Variants in LRCH1 observed in about 807,000 individuals in gnomAD.
LRCH1 encodes leucine rich repeats and calponin homology domain containing 1.
LRCH1 carries 23 observed loss-of-function variants against 94.9 expected under a neutral mutation model. The observed-to-expected ratio is 0.24, with a 90% CI of 0.17 to 0.34. The LOEUF is 0.34. Ranked by LOEUF, LRCH1 falls within the 10% of genes least tolerant of loss-of-function variation. The pLI is 1.00. For missense variants in LRCH1, 790 were observed against 945.9 expected, an observed-to-expected ratio of 0.84 and a Z score of 2.16; for synonymous variants, 364 against 354.9, an observed-to-expected ratio of 1.03 and a Z score of -0.29.
intron 5 of LRCH1, among the ~76,000 whole-genome samples, chr13:46,686,571 A>AAGGG (rs1870626453): frequency 6.6e-6 from 1 of 151,656 alleles, no homozygotes; most frequent in Non-Finnish European, 1.5e-5. Flanking sequence ...AGCTTTGGGG[A>AAGGG]AGATTCAAAT....
intron 18 of LRCH1, among the ~76,000 whole-genome samples, chr13:46,730,344 T>C (rs1473613572): frequency 6.6e-6 from 1 of 152,164 alleles, no homozygotes; most frequent in Non-Finnish European, 1.5e-5. Context: ...CATTAGTGTT[T>C]ATATGGCAAG....
chr13:46,713,099 G>T (rs774987853), intron 15 of LRCH1, among the ~76,000 whole-genome samples: 26 of 152,174 alleles, frequency 1.7e-4, no homozygotes, highest in African/African-American at 5.3e-4. Context: ...TTTTGAGAAA[G>T]CATTCTGCTT....
chr13:46,686,026 G>A lies in LRCH1; in HGVS notation c.807G>A (p.Gln269=). Residue 269 remains glutamine (Q), a synonymous_variant, in exon 5 of 20, where the codon CAG becomes CAA. Transcript: ENST00000389797. ...TACTACTTGAGAATAACCCTCTGCA[G>A]TCTCCTCCAGCACAGGTGAGGGGTC... is the stretch of plus-strand genomic sequence containing the variant. The part of the protein sequence containing the change: ...QVLLLENNPL[Q]SPPAQICTKG... 1 of 1,601,890 alleles carries A rather than the reference G, an allele frequency of 6.2e-7. No homozygotes were observed. Among genetic ancestry groups the A allele is most frequent in the Non-Finnish European group, 8.5e-7 (1 of 1,175,528 alleles).
intron 9 of LRCH1, among the ~76,000 whole-genome samples, chr13:46,695,292 C>T (rs186049699): frequency 4.7e-4 from 72 of 152,292 alleles, no homozygotes; most frequent in African/African-American, 1.6e-3. Context: ...TTAGTGTGAC[C>T]ATTGCCACGC....
chr13:46,751,355 T>C (rs187942418), exon 19 of LRCH1: 4 of 152,212 alleles, frequency 2.6e-5, no homozygotes, highest in African/African-American at 7.2e-5. Context: ...AGGACACAAC[T>C]TTTCTGGGGA....
At chr13:46,598,594 C>CA (rs1320620185) in intron 1 of LRCH1, among the ~76,000 whole-genome samples, 3 of 146,812 alleles carry the variant, frequency 2.0e-5, no homozygotes, top group South Asian at 2.2e-4. Context: ...CTAACAACAA[C>CA]AAAAAAAAAA....
chr13:46,582,648 CTTTTTTTTTTT>C (rs551678501), intron 1 of LRCH1, among the ~76,000 whole-genome samples: 3 of 23,334 alleles, frequency 1.3e-4, no homozygotes, highest in East Asian at 2.5e-3. Flanking sequence ...CCATGCCCAG[CTTTTTTTTTTT>C]TTTTTTTTTT....
chr13:46,737,277 A>AT (rs910906739), intron 19 of LRCH1, among the ~76,000 whole-genome samples: 1 of 152,082 alleles, frequency 6.6e-6, no homozygotes, highest in African/African-American at 2.4e-5. Flanking sequence ...ATTTGTTATG[A>AT]TTTTTTAAGA....
At position 46,680,876 on chromosome 13, in the gene LRCH1, C is replaced by T. The variant is rs959429365; in HGVS notation, c.580-865C>T. On this transcript the variant is annotated intron_variant, in intron 3 of 19. Coordinates refer to ENST00000389797, the MANE Select transcript of LRCH1 (RefSeq NM_001164211.2). The stretch of plus-strand genomic sequence containing the variant: ...CAAGGCGGAGACTGATGTATGGAAA[C>T]CAGTCAGGAGATCATGATAGCACCC... Among the ~76,000 whole-genome samples, 4 of 152,152 alleles carry T rather than the reference C, an allele frequency of 2.6e-5. No individual in the cohort carries two copies. In the South Asian group the frequency reaches 8.3e-4, roughly 31 times the overall value.
intron 1 of LRCH1, among the ~76,000 whole-genome samples, chr13:46,626,414 T>C (rs1237748483): frequency 6.6e-6 from 1 of 152,226 alleles, no homozygotes; most frequent in Non-Finnish European, 1.5e-5. Context: ...CCATTGTGAT[T>C]TGTTTCTGCC....
chr13:46,737,992 G>C (rs916801453), intron 19 of LRCH1, among the ~76,000 whole-genome samples: 1 of 152,162 alleles, frequency 6.6e-6, no homozygotes, highest in African/African-American at 2.4e-5. Context: ...AGGTAACTTT[G>C]ATCTCAAACT....
chr13:46,680,945 G>A (rs2051742325), intron 3 of LRCH1, among the ~76,000 whole-genome samples: 1 of 152,202 alleles, frequency 6.6e-6, no homozygotes, highest in Non-Finnish European at 1.5e-5. Flanking sequence ...GTAGCTGGGG[G>A]TGTGTGGGGG....
chr13:46,602,962 G>GCATACATGCATGCATGCATGCATACATA (rs2050644629), intron 1 of LRCH1, among the ~76,000 whole-genome samples: 7 of 120,044 alleles, frequency 5.8e-5, no homozygotes, highest in African/African-American at 1.1e-4. Context: ...ATACATACAT[G>GCATACATGCATGCATGCATGCATACATA]CATACATACA....
rs149823331 is a variant in LRCH1, at chr13:46,714,426, C to G, written c.1655-1134C>G. ...AAAGTAATATATACAGTAATCTTAA[C>G]TGGAAAGCATATAGTTTTAAAAGAA... On this transcript the variant is annotated intron_variant, in intron 15 of 19. Transcript: ENST00000389797. 2.7e-3 allele frequency among the ~76,000 whole-genome samples: 407 copies of G among 152,238 alleles called. 1 individual carries two copies. The highest frequency in any genetic ancestry group is 9.5e-3 in the African/African-American group (395 of 41,542).
intron 1 of LRCH1, among the ~76,000 whole-genome samples, chr13:46,637,073 G>A (rs1284062719): frequency 6.6e-6 from 1 of 152,184 alleles, no homozygotes; most frequent in East Asian, 1.9e-4. Flanking sequence ...TCTGCCATAG[G>A]CTTCCACATC....
At chr13:46,707,066 AC>A (rs1444183902) in intron 13 of LRCH1, among the ~76,000 whole-genome samples, 7 of 152,116 alleles carry the variant, frequency 4.6e-5, no homozygotes, top group African/African-American at 1.4e-4. Context: ...CTAATCTATC[AC>A]CCATCCTCCA....
chr13:46,688,447 CG>C (rs1870732488), intron 6 of LRCH1, among the ~76,000 whole-genome samples: 1 of 152,220 alleles, frequency 6.6e-6, no homozygotes, highest in African/African-American at 2.4e-5. Context: ...GTAGTTTTGT[CG>C]CCACTTCCTG....
intron 13 of LRCH1, among the ~76,000 whole-genome samples, chr13:46,708,660 C>A (rs1426774015): frequency 6.6e-6 from 1 of 152,152 alleles, no homozygotes; most frequent in Non-Finnish European, 1.5e-5. Context: ...TATTGTTATT[C>A]AACATTTTGG....
Position 46,743,292 on chromosome 13 carries a change from T to A in LRCH1, c.*1444T>A, listed in dbSNP as rs1873757964. 1.0e-6 allele frequency: 1 copy of A among 985,648 alleles called. No individual in the cohort carries two copies. Among genetic ancestry groups the A allele is most frequent in the Non-Finnish European group, 1.2e-6 (1 of 829,750 alleles). 61.1% of individuals were successfully genotyped at this position (985,648 alleles called of 1,614,324 possible). A position where few individuals can be genotyped will look rare whatever the true frequency, so the allele number is the denominator to read the frequency against. ...GAAGACCCACATAGTTAGAAGAATA[T>A]ATTTATAAAGATTCCTTGCTGCTAA... On this transcript the variant is annotated 3_prime_UTR_variant, in exon 20 of 20. Coordinates refer to ENST00000389797, the MANE Select transcript of LRCH1 (RefSeq NM_001164211.2).
Sources: allele counts gnomAD v4.1 joint callset (sites outside exome capture counted in the v4.1 genomes callset), GRCh38; gene constraint gnomAD v4.1.1; transcripts MANE v1.5; gene names NCBI Gene and HGNC (gene_info 2026-07-23, HGNC 2026-07-21).